MGMT: variants seen among roughly 807,000 people sequenced by gnomAD.
The protein encoded by MGMT is methylated-DNA--protein-cysteine methyltransferase.
A neutral mutation model predicts 15.9 loss-of-function variants in MGMT; 14 were observed. That is an observed-to-expected ratio of 0.88 (90% CI 0.58 to 1.37). The LOEUF (loss-of-function observed/expected upper bound fraction) is 1.37, where lower values mean the gene tolerates loss of function less well. Among genes scored for constraint, MGMT ranks in the 40% most tolerant of loss-of-function variants. The pLI, the probability that MGMT is intolerant of heterozygous loss-of-function variation, is 0.00. For synonymous variants in MGMT, 130 were observed against 118.2 expected (o/e 1.10, Z -0.65); for missense variants, 282 against 268.1 (o/e 1.05, Z -0.36).
intron 1 of MGMT, among the ~76,000 whole-genome samples, chr10:129,508,665 C>A (rs1845649855): frequency 6.6e-6 from 1 of 152,020 alleles, no homozygotes; most frequent in Non-Finnish European, 1.5e-5. Context: ...CCTGCCTCAG[C>A]CTCCCAAGTG....
At chr10:129,654,394 G>A (rs1847499997) in intron 2 of MGMT, among the ~76,000 whole-genome samples, 1 of 152,186 alleles carries the variant, frequency 6.6e-6, no homozygotes, top group African/African-American at 2.4e-5. Context: ...TGTCTTTGAA[G>A]CCTCTTGTGG....
intron 2 of MGMT, among the ~76,000 whole-genome samples, chr10:129,591,622 C>T (rs933144948): frequency 9.2e-5 from 14 of 152,164 alleles, no homozygotes; most frequent in Admixed American, 2.0e-4. Flanking sequence ...AGGTGGTGGA[C>T]GGTGTTTTAT....
intron 2 of MGMT, among the ~76,000 whole-genome samples, chr10:129,582,533 T>C (rs1846568911): frequency 6.6e-6 from 1 of 152,230 alleles, no homozygotes; most frequent in South Asian, 2.1e-4. Flanking sequence ...GATTTTAACT[T>C]TTAAAAGACA....
At chr10:129,657,268 C>T (rs1479410812) in intron 2 of MGMT, among the ~76,000 whole-genome samples, 1 of 152,122 alleles carries the variant, frequency 6.6e-6, no homozygotes, top group East Asian at 1.9e-4. Context: ...TGATGCATTC[C>T]ATTGAAAATT....
intron 1 of MGMT, among the ~76,000 whole-genome samples, chr10:129,515,443 G>GGTCCTGTCTCATTACTTGATAGCACGT (rs779099765): frequency 2.0e-5 from 3 of 152,146 alleles, no homozygotes; most frequent in Non-Finnish European, 2.9e-5. Flanking sequence ...TTGGGGTGAG[G>GGTCCTGTCTCATTACTTGATAGCACGT]GTCCTGTCTC....
At chr10:129,695,499 A>G (rs1848020254) in intron 2 of MGMT, among the ~76,000 whole-genome samples, 1 of 152,246 alleles carries the variant, frequency 6.6e-6, no homozygotes, top group Non-Finnish European at 1.5e-5. Flanking sequence ...CCTTTTGGAA[A>G]GAAAAGTATT....
chr10:129,770,899 CCCTCAGA>C lies in MGMT; in HGVS notation c.*3912_*3918del, dbSNP rs1245295379. 7.9e-5 allele frequency among the ~76,000 whole-genome samples: 12 copies of C among 151,672 alleles called. No homozygotes were observed. The highest frequency in any genetic ancestry group is 3.9e-4 in the East Asian group (2 of 5,110). On this transcript the variant is annotated 3_prime_UTR_variant, in exon 5 of 5. Coordinates refer to ENST00000651593, the MANE Select transcript of MGMT (RefSeq NM_002412.5). ...GGTGGGGGATTTAAATTTTTGGCTT[CCCTCAGA>C]CCTCAGACCGTGTGGGTTTTTTTTT...
At chr10:129,705,636 A>G (rs200390306) in intron 2 of MGMT, among the ~76,000 whole-genome samples, 1 of 152,254 alleles carries the variant, frequency 6.6e-6, no homozygotes, top group Non-Finnish European at 1.5e-5. Context: ...TCCAGAGATC[A>G]TCTGAGCTCT....
intron 3 of MGMT, among the ~76,000 whole-genome samples, chr10:129,721,604 A>G (rs894220433): frequency 6.6e-6 from 1 of 152,252 alleles, no homozygotes; most frequent in Non-Finnish European, 1.5e-5. Context: ...TAGAAGGAAA[A>G]CATATGACAA....
At chr10:129,756,773 G>A (rs1011450492) in intron 3 of MGMT, among the ~76,000 whole-genome samples, 4 of 152,306 alleles carry the variant, frequency 2.6e-5, no homozygotes, top group African/African-American at 9.6e-5. Context: ...TGGACCAGAA[G>A]GCTGCTGTTT....
intron 3 of MGMT, among the ~76,000 whole-genome samples, chr10:129,724,626 A>C (rs554631784): frequency 1.3e-5 from 2 of 150,830 alleles, no homozygotes; most frequent in Non-Finnish European, 2.9e-5. Flanking sequence ...GAGAGAGTAC[A>C]CTGATGTCTG....
chr10:129,640,146 G>C (rs1451012355), intron 2 of MGMT, among the ~76,000 whole-genome samples: 1 of 148,640 alleles, frequency 6.7e-6, no homozygotes, highest in Non-Finnish European at 1.5e-5. Flanking sequence ...CTCCCAGCCT[G>C]GAGTTCAGAG....
intron 2 of MGMT, among the ~76,000 whole-genome samples, chr10:129,633,186 G>A (rs1847230203): frequency 6.6e-6 from 1 of 152,046 alleles, no homozygotes; most frequent in Non-Finnish European, 1.5e-5. Context: ...GTATACTCTA[G>A]AAAAATATCT....
intron 3 of MGMT, among the ~76,000 whole-genome samples, chr10:129,727,856 G>A (rs957102061): frequency 1.3e-5 from 2 of 152,350 alleles, no homozygotes; most frequent in South Asian, 2.1e-4. Flanking sequence ...GGAGGAGGTA[G>A]CATTTGCACC....
chr10:129,628,514 C>G (rs1477037902), intron 2 of MGMT, among the ~76,000 whole-genome samples: 1 of 152,118 alleles, frequency 6.6e-6, no homozygotes. Flanking sequence ...TGGCATTGAC[C>G]CCGTGGTGCT....
chr10:129,623,459 G>A (rs535224162), intron 2 of MGMT, among the ~76,000 whole-genome samples: 1 of 152,294 alleles, frequency 6.6e-6, no homozygotes, highest in Non-Finnish European at 1.5e-5. Context: ...GAATTAGGAA[G>A]TAGATCAGCC....
chr10:129,747,532 T>A (rs1848708234), intron 3 of MGMT, among the ~76,000 whole-genome samples: 1 of 152,198 alleles, frequency 6.6e-6, no homozygotes, highest in African/African-American at 2.4e-5. Context: ...TACAGAAAAA[T>A]TGAAAAATCA....
At chr10:129,569,665 G>T (rs1846395175) in intron 2 of MGMT, among the ~76,000 whole-genome samples, 1 of 152,144 alleles carries the variant, frequency 6.6e-6, no homozygotes, top group South Asian at 2.1e-4. Flanking sequence ...GTGGGTTGTA[G>T]ACTCATGAAA....
At chr10:129,471,643 T>A (rs1369685782) in intron 1 of MGMT, among the ~76,000 whole-genome samples, 2 of 152,066 alleles carry the variant, frequency 1.3e-5, no homozygotes, top group Non-Finnish European at 2.9e-5. Flanking sequence ...GCCCTCTGCA[T>A]CAGAATTACT....
Sources: allele counts gnomAD v4.1 joint callset (sites outside exome capture counted in the v4.1 genomes callset), GRCh38; gene constraint gnomAD v4.1.1; transcripts MANE v1.5; gene names NCBI Gene and HGNC (gene_info 2026-07-23, HGNC 2026-07-21).